POLN: variants seen among roughly 807,000 people sequenced by gnomAD.
POLN encodes the protein DNA polymerase N.
Under a neutral mutation model 113.5 loss-of-function variants are expected in POLN, and 108 were observed. The ratio of observed to expected loss-of-function variants is 0.95; its 90% CI spans 0.81 to 1.12. The LOEUF is 1.12. Among genes scored for constraint, POLN ranks in the 50% most tolerant of loss-of-function variants. POLN has a pLI of 0.00. For synonymous variants in POLN, 386 were observed against 391.5 expected, an observed-to-expected ratio of 0.99 and a Z score of 0.17; for missense variants, 1,097 against 1,077.1, an observed-to-expected ratio of 1.02 and a Z score of -0.26.
chr4:2,167,369 C>A (rs919928523), intron 13 of POLN, among the ~76,000 whole-genome samples: 1 of 152,118 alleles, frequency 6.6e-6, no homozygotes, highest in Non-Finnish European at 1.5e-5. Flanking sequence ...TCCTTCAGTT[C>A]GTTAGGGAGG....
chr4:2,094,085 G>T (rs548135256), intron 20 of POLN, among the ~76,000 whole-genome samples: 139 of 152,246 alleles, frequency 9.1e-4, no homozygotes, highest in African/African-American at 3.3e-3. Context: ...GGTGGCTCAT[G>T]CCTGTAATCC....
intron 19 of POLN, among the ~76,000 whole-genome samples, chr4:2,096,388 G>A (rs1392680166): frequency 1.3e-5 from 2 of 152,140 alleles, no homozygotes; most frequent in African/African-American, 2.4e-5. Flanking sequence ...CCATGGGGGT[G>A]AGCCCCACCC....
At chr4:2,216,660 G>A (rs570109024) in intron 3 of POLN, among the ~76,000 whole-genome samples, 1 of 152,360 alleles carries the variant, frequency 6.6e-6, no homozygotes, top group East Asian at 1.9e-4. Context: ...GGGTGATGGA[G>A]CTGACTGAAT....
intron 5 of POLN, among the ~76,000 whole-genome samples, chr4:2,202,557 C>G (rs893528301): frequency 5.9e-5 from 9 of 151,934 alleles, no homozygotes; most frequent in Non-Finnish European, 1.3e-4. Context: ...AACTCCGTCT[C>G]TACTAAAAAT....
chr4:2,122,797 G>T (rs1304716056), intron 19 of POLN, among the ~76,000 whole-genome samples: 2 of 152,246 alleles, frequency 1.3e-5, no homozygotes, highest in Non-Finnish European at 2.9e-5. Context: ...ATTATTTTAT[G>T]ACCCAGCATG....
intron 19 of POLN, among the ~76,000 whole-genome samples, chr4:2,122,953 G>C (rs536938109): frequency 2.8e-4 from 43 of 151,402 alleles, no homozygotes; most frequent in African/African-American, 9.9e-4. Flanking sequence ...AGGAGTTTGA[G>C]GCCAGCCTAG....
chr4:2,173,525 C>T (rs899209957), intron 11 of POLN, among the ~76,000 whole-genome samples: 3 of 151,854 alleles, frequency 2.0e-5, no homozygotes, highest in Admixed American at 2.0e-4. Context: ...CGCCACTGCT[C>T]ACCCTTCCCA....
At chr4:2,194,508 G>C (rs1013166453) in intron 6 of POLN, among the ~76,000 whole-genome samples, 6 of 152,122 alleles carry the variant, frequency 3.9e-5, no homozygotes, top group Non-Finnish European at 8.8e-5. Context: ...TTCAGATCTT[G>C]GCTTGGCTGG....
intron 2 of POLN, chr4:2,232,280 CAATA>C (rs1279804532): frequency 1.8e-5 from 9 of 506,292 alleles, no homozygotes; most frequent in African/African-American, 1.6e-4. Context: ...GCAATTTTAG[CAATA>C]AATAAACCTC....
intron 9 of POLN, among the ~76,000 whole-genome samples, chr4:2,175,856 T>C (rs1278780326): frequency 2.0e-5 from 3 of 152,078 alleles, no homozygotes; most frequent in East Asian, 3.9e-4. Context: ...CTGGTTCCCT[T>C]TGCCCTCCCT....
chr4:2,123,117 G>T (rs1468235526), intron 19 of POLN, among the ~76,000 whole-genome samples: 1 of 151,968 alleles, frequency 6.6e-6, no homozygotes, highest in East Asian at 1.9e-4. Flanking sequence ...GCTGTGAGTG[G>T]GAGTGAGCCA....
intron 20 of POLN, chr4:2,090,206 A>T: frequency 1.2e-6 from 1 of 836,990 alleles, no homozygotes; most frequent in Non-Finnish European, 1.9e-6. Flanking sequence ...TCTTTCCTGT[A>T]GATACTCTTC....
intron 22 of POLN, 143 bp downstream of exon 22, chr4:2,081,490 A>G (rs1730418080): frequency 1.3e-6 from 1 of 754,300 alleles, no homozygotes; most frequent in African/African-American, 1.7e-5. Context: ...CAGGCAGGAC[A>G]TGGGTAGTGT....
rs1293686498 is a variant in POLN at position 2,241,625 on chromosome 4, G to C, written c.-118C>G. Reference sequence around the variant, plus strand: ...CGCGGCCACAATTAAGGGTGCTTCGGGCCGGCCTTCAGCCAGCGCTGAGGC... The same window carrying C: ...CGCGGCCACAATTAAGGGTGCTTCGCGCCGGCCTTCAGCCAGCGCTGAGGC... On this transcript the variant is annotated 5_prime_UTR_variant, in exon 2 of 26. Coordinates refer to ENST00000511885, the MANE Select transcript of POLN (RefSeq NM_181808.4). 2.0e-6 allele frequency: 2 copies of C among 985,334 alleles called. No individual in the cohort carries two copies. Among genetic ancestry groups the C allele is most frequent in the Admixed American group, 6.1e-5 (1 of 16,270 alleles). The allele number at this position is 985,334 out of a possible 1,614,324, so 61.0% of individuals were successfully genotyped here. A position where few individuals can be genotyped will look rare whatever the true frequency, so the allele number is the denominator to read the frequency against.
At chr4:2,104,263 G>A (rs1730994336) in intron 19 of POLN, among the ~76,000 whole-genome samples, 1 of 152,226 alleles carries the variant, frequency 6.6e-6, no homozygotes, top group South Asian at 2.1e-4. Flanking sequence ...TCCACTGTAT[G>A]GATAGACCAT....
At chr4:2,073,648 C>T (rs1161090402) in intron 24 of POLN, among the ~76,000 whole-genome samples, 1 of 152,256 alleles carries the variant, frequency 6.6e-6, no homozygotes, top group Non-Finnish European at 1.5e-5. Context: ...GACCCGCAAG[C>T]TCAGGCTTTC....
At chr4:2,217,029 G>A (rs1211512156) in intron 3 of POLN, among the ~76,000 whole-genome samples, 1 of 152,194 alleles carries the variant, frequency 6.6e-6, no homozygotes, top group Non-Finnish European at 1.5e-5. Context: ...GGTTTGGTGT[G>A]TCCCCATGGT....
chr4:2,205,424 G>A (rs1436892730), intron 5 of POLN, among the ~76,000 whole-genome samples: 15 of 152,190 alleles, frequency 9.9e-5, no homozygotes, highest in Non-Finnish European at 7.3e-5. Flanking sequence ...AAACACTGCT[G>A]AAAGAAATCA....
At chr4:2,153,585 A>G (rs572862082) in intron 16 of POLN, among the ~76,000 whole-genome samples, 18 of 151,778 alleles carry the variant, frequency 1.2e-4, no homozygotes, top group African/African-American at 4.1e-4. Flanking sequence ...TGTTATTTGT[A>G]TAATTTTTTT....
Sources: allele counts gnomAD v4.1 joint callset (sites outside exome capture counted in the v4.1 genomes callset), GRCh38; gene constraint gnomAD v4.1.1; transcripts MANE v1.5; gene names NCBI Gene and HGNC (gene_info 2026-07-23, HGNC 2026-07-21).